Variants in NAALADL2 observed in about 807,000 individuals in gnomAD.
NAALADL2 encodes the protein N-acetylated alpha-linked acidic dipeptidase like 2, also known as inactive N-acetylated-alpha-linked acidic dipeptidase-like protein 2.
In NAALADL2, 76 loss-of-function variants were observed where a neutral mutation model predicts 87.2. The ratio of observed to expected loss-of-function variants is 0.87; its 90% CI spans 0.72 to 1.05. The LOEUF (loss-of-function observed/expected upper bound fraction) is 1.05, where lower values mean the gene tolerates loss of function less well. Among genes scored for constraint, NAALADL2 ranks in the 50% least tolerant of loss-of-function variants. The pLI, the probability that NAALADL2 is intolerant of heterozygous loss-of-function variation, is 0.00. For missense variants in NAALADL2, 1,089 were observed against 945.8 expected, an observed-to-expected ratio of 1.15 and a Z score of -1.99; for synonymous variants, 354 against 331.0, an observed-to-expected ratio of 1.07 and a Z score of -0.75.
At chr3:174,469,553 C>T (rs187524178) in intron 1 of NAALADL2, among the ~76,000 whole-genome samples, 5 of 152,122 alleles carry the variant, frequency 3.3e-5, no homozygotes, top group African/African-American at 9.6e-5. Context: ...CTCAGCCTCC[C>T]GAGTAGCTGG....
intron 1 of NAALADL2, among the ~76,000 whole-genome samples, chr3:174,890,667 C>A (rs1730755972): frequency 6.6e-6 from 1 of 152,008 alleles, no homozygotes; most frequent in African/African-American, 2.4e-5. Flanking sequence ...TAAGAAAAGT[C>A]CAAAAACAAG....
intron 1 of NAALADL2, among the ~76,000 whole-genome samples, chr3:175,024,752 G>A (rs1474667312): frequency 1.3e-5 from 2 of 151,944 alleles, no homozygotes; most frequent in Non-Finnish European, 2.9e-5. Context: ...ATAAGCTGAA[G>A]ACAAATTGAC....
chr3:175,236,906 G>A (rs755465254), intron 3 of NAALADL2, among the ~76,000 whole-genome samples: 17 of 151,972 alleles, frequency 1.1e-4, no homozygotes, highest in East Asian at 1.9e-4. Context: ...AATATTCTTC[G>A]CCCTTTATTT....
intron 2 of NAALADL2, among the ~76,000 whole-genome samples, chr3:174,661,602 T>C (rs1370725367): frequency 6.6e-6 from 1 of 152,138 alleles, no homozygotes; most frequent in Non-Finnish European, 1.5e-5. Context: ...TTTGTATAAA[T>C]TTAAGTGTAG....
chr3:175,698,950 T>C (rs574999035), intron 11 of NAALADL2, among the ~76,000 whole-genome samples: 11 of 151,974 alleles, frequency 7.2e-5, no homozygotes, highest in African/African-American at 1.7e-4. Context: ...TTCAGTAATA[T>C]ACAACAACAC....
chr3:175,043,386 G>A (rs546016779), intron 1 of NAALADL2, among the ~76,000 whole-genome samples: 2 of 152,000 alleles, frequency 1.3e-5, no homozygotes, highest in African/African-American at 4.8e-5. Flanking sequence ...TTACAGGCAC[G>A]CGCCACGATG....
intron 13 of NAALADL2, among the ~76,000 whole-genome samples, chr3:175,799,428 A>G (rs953820695): frequency 6.6e-6 from 1 of 152,118 alleles, no homozygotes; most frequent in African/African-American, 2.4e-5. Flanking sequence ...GAATACATAT[A>G]TATATCCATT....
At chr3:175,321,008 C>A (rs1388052840) in intron 4 of NAALADL2, among the ~76,000 whole-genome samples, 1 of 151,788 alleles carries the variant, frequency 6.6e-6, no homozygotes, top group Non-Finnish European at 1.5e-5. Context: ...CATTCTAATA[C>A]CAAAGCCGGG....
intron 12 of NAALADL2, among the ~76,000 whole-genome samples, chr3:175,745,522 T>G (rs887712225): frequency 6.6e-6 from 1 of 152,314 alleles, no homozygotes; most frequent in Non-Finnish European, 1.5e-5. Context: ...CATCTCTAGA[T>G]TACTTATAAT....
intron 13 of NAALADL2, among the ~76,000 whole-genome samples, chr3:175,791,888 A>G (rs1752825918): frequency 6.9e-6 from 1 of 144,068 alleles, no homozygotes; most frequent in African/African-American, 2.6e-5. Flanking sequence ...ACAGTGTGGA[A>G]TTTGCTTTTA....
chr3:175,766,666 G>A (rs1257447932), intron 13 of NAALADL2, among the ~76,000 whole-genome samples: 1 of 152,000 alleles, frequency 6.6e-6, no homozygotes, highest in East Asian at 1.9e-4. Context: ...ATTTTTATGT[G>A]TATAAATATC....
intron 2 of NAALADL2, among the ~76,000 whole-genome samples, chr3:174,561,201 CTTTTT>C (rs200957982): frequency 7.6e-6 from 1 of 130,754 alleles, no homozygotes; most frequent in Non-Finnish European, 1.6e-5. Flanking sequence ...AATAGGATTC[CTTTTT>C]TTTTTTTTTT....
intron 1 of NAALADL2, among the ~76,000 whole-genome samples, chr3:174,955,579 C>T (rs1162374023): frequency 6.6e-6 from 1 of 152,012 alleles, no homozygotes; most frequent in African/African-American, 2.4e-5. Flanking sequence ...TGTCTGGTGA[C>T]TCATACATAT....
chr3:175,176,146 T>C (rs920969217), intron 2 of NAALADL2, among the ~76,000 whole-genome samples: 16 of 152,142 alleles, frequency 1.1e-4, no homozygotes, highest in African/African-American at 3.9e-4. Context: ...ATTGTAAATA[T>C]ATATTTTGTG....
At chr3:174,825,311 A>T (rs1366330955) in intron 3 of NAALADL2, among the ~76,000 whole-genome samples, 2 of 152,224 alleles carry the variant, frequency 1.3e-5, no homozygotes, top group Non-Finnish European at 2.9e-5. Context: ...AAGGCCTGAT[A>T]ACTTGGGGGA....
intron 1 of NAALADL2, among the ~76,000 whole-genome samples, chr3:174,868,483 A>G (rs907421113): frequency 1.3e-5 from 2 of 152,178 alleles, no homozygotes; most frequent in African/African-American, 4.8e-5. Context: ...TCCCACAATC[A>G]TCAACACCAT....
chr3:175,720,125 C>T (rs1237721271), intron 11 of NAALADL2, among the ~76,000 whole-genome samples: 2 of 152,106 alleles, frequency 1.3e-5, no homozygotes, highest in Non-Finnish European at 2.9e-5. Context: ...CATATGTGCA[C>T]AGAACTATTC....
intron 1 of NAALADL2, among the ~76,000 whole-genome samples, chr3:175,093,413 T>TTTA (rs1553771386): frequency 8.7e-6 from 1 of 114,532 alleles, no homozygotes; most frequent in African/African-American, 4.4e-5. Flanking sequence ...TCATTTTATT[T>TTTA]TTTTATATAT....
chr3:175,221,748 A>C (rs1356078772), intron 2 of NAALADL2, among the ~76,000 whole-genome samples: 1 of 138,078 alleles, frequency 7.2e-6, no homozygotes, highest in East Asian at 2.2e-4. Flanking sequence ...TGTAGAGTAG[A>C]TATTCAGTGG....
Sources: allele counts gnomAD v4.1 joint callset (sites outside exome capture counted in the v4.1 genomes callset), GRCh38; gene constraint gnomAD v4.1.1; transcripts MANE v1.5; gene names NCBI Gene and HGNC (gene_info 2026-07-23, HGNC 2026-07-21).